Variants in MEGF11 observed in about 807,000 individuals in gnomAD.
MEGF11 encodes the protein multiple EGF like domains 11.
In MEGF11, 126 loss-of-function variants were observed where a neutral mutation model predicts 146.6. The ratio of observed to expected loss-of-function variants is 0.86; its 90% CI spans 0.74 to 1.00. MEGF11 has a LOEUF of 1.00. MEGF11 is among the 50% of genes least tolerant of loss of function. The pLI, the probability that MEGF11 is intolerant of heterozygous loss-of-function variation, is 0.00. For missense variants in MEGF11, 1,509 were observed against 1,521.2 expected, an observed-to-expected ratio of 0.99 and a Z score of 0.13; for synonymous variants, 532 against 583.4, an observed-to-expected ratio of 0.91 and a Z score of 1.27.
Position 66,038,695 on chromosome 15 carries a change from T to G in MEGF11, c.394+55707A>C, listed in dbSNP as rs556097187. 5.3e-5 allele frequency among the ~76,000 whole-genome samples: 8 copies of G among 152,232 alleles called. No individual in the cohort carries two copies. The South Asian group carries it at 8.3e-4, about 16-fold the overall frequency. ...ACTAGCAGCCCAAGGTCACACCTATTATGAAACAGATACCAGGCTGAACCC... is the reference window on the plus strand; with the variant it reads ...ACTAGCAGCCCAAGGTCACACCTATGATGAAACAGATACCAGGCTGAACCC... On this transcript the variant is annotated intron_variant, in intron 5 of 25. Transcript: ENST00000395614.
chr15:66,094,334 ACAC>A, intron 5 of MEGF11, 65 bp downstream of exon 5: 1 of 1,364,680 alleles, frequency 7.3e-7, no homozygotes, highest in Non-Finnish European at 1.0e-6. Flanking sequence ...TAGCATGCAC[ACAC>A]CACAACCCAC....
At position 65,990,614 on chromosome 15, in the gene MEGF11, AAAAAGAAAAGAAAAAAAG is replaced by A. The variant is rs1468837406; in HGVS notation, c.395-8144_395-8127del. On this transcript the variant is annotated intron_variant, in intron 5 of 25. Coordinates refer to ENST00000395614, the MANE Select transcript of MEGF11 (RefSeq NM_001385028.1). ...AAGAAAGAAAAGAAAAGAAAAGAAAAAAAAGAAAAGAAAAAAAGAGAAAGGAAAAGAAAAAAGAAGGAA... is the reference window on the plus strand; with the variant it reads ...AAGAAAGAAAAGAAAAGAAAAGAAAAAGAAAGGAAAAGAAAAAAGAAGGAA... 2.2e-5 allele frequency among the ~76,000 whole-genome samples: 3 copies of A among 137,230 alleles called. No individual in the cohort carries two copies. In the East Asian group the frequency reaches 8.7e-4, roughly 40 times the overall value. 90.0% of individuals were successfully genotyped at this position (137,230 alleles called of 152,430 possible).
chr15:65,969,399 A>G (rs2081226934), intron 8 of MEGF11, among the ~76,000 whole-genome samples: 1 of 152,166 alleles, frequency 6.6e-6, no homozygotes. Flanking sequence ...TCAATGTTTC[A>G]GCCCTCTCTC....
chr15:66,141,220 C>T (rs1186501114), intron 1 of MEGF11, among the ~76,000 whole-genome samples: 5 of 140,176 alleles, frequency 3.6e-5, no homozygotes, highest in African/African-American at 1.1e-4. Context: ...TGTCTCTGTC[C>T]TGCAGACTCA....
At chr15:65,944,092 C>T (rs369307341) in intron 10 of MEGF11, among the ~76,000 whole-genome samples, 1 of 152,150 alleles carries the variant, frequency 6.6e-6, no homozygotes, top group East Asian at 1.9e-4. Context: ...ATTTATTCAA[C>T]ACATATTTAC....
intron 1 of MEGF11, among the ~76,000 whole-genome samples, chr15:66,150,172 T>A (rs34841836): frequency 0.084 from 12,850 of 152,224 alleles, 622 homozygotes; most frequent in East Asian, 0.23. Context: ...CTGTGGTCCC[T>A]CCAGCCCCCG....
At position 66,094,506 on chromosome 15, in the gene MEGF11, TG is replaced by T; in HGVS notation, c.302-13del. The T allele has an allele frequency of 6.4e-7, 1 of 1,554,542 alleles. No homozygotes were observed. The highest frequency in any genetic ancestry group is 8.7e-7 in the Non-Finnish European group (1 of 1,147,870). ...CTCCGTACACAGGGCTGAGGGGACATGGGGAGAGGGAGGAAGAACCAGAACA... is the reference window on the plus strand; with the variant it reads ...CTCCGTACACAGGGCTGAGGGGACATGGGAGAGGGAGGAAGAACCAGAACA... On this transcript the variant is annotated splice_polypyrimidine_tract_variant and intron_variant, in intron 4 of 25. Transcript: ENST00000395614.
chr15:66,067,068 C>T (rs1162338448), intron 5 of MEGF11, among the ~76,000 whole-genome samples: 1 of 152,204 alleles, frequency 6.6e-6, no homozygotes, highest in East Asian at 1.9e-4. Context: ...ATCCCTAACT[C>T]ATAGGTTTGA....
chr15:66,083,517 A>G (rs145732505), intron 5 of MEGF11, among the ~76,000 whole-genome samples: 85 of 152,360 alleles, frequency 5.6e-4, no homozygotes, highest in African/African-American at 2.0e-3. Context: ...GCATACCTAT[A>G]AAACTCAGAA....
intron 1 of MEGF11, among the ~76,000 whole-genome samples, chr15:66,208,001 C>T (rs1042506095): frequency 6.6e-6 from 1 of 151,578 alleles, no homozygotes; most frequent in Non-Finnish European, 1.5e-5. Flanking sequence ...AGAAGAATTG[C>T]TTGAACCTGG....
chr15:66,213,325 C>T (rs1455023270), intron 1 of MEGF11, among the ~76,000 whole-genome samples: 3 of 152,052 alleles, frequency 2.0e-5, no homozygotes, highest in Admixed American at 1.3e-4. Context: ...AGTGTGTCCC[C>T]GTTCACACAG....
chr15:65,983,324 T>C (rs1054162907), intron 5 of MEGF11, among the ~76,000 whole-genome samples: 1 of 152,200 alleles, frequency 6.6e-6, no homozygotes, highest in Admixed American at 6.5e-5. Flanking sequence ...ATTCACACTC[T>C]ACGGCTATGG....
intron 5 of MEGF11, among the ~76,000 whole-genome samples, chr15:66,058,100 C>T (rs1420949374): frequency 1.3e-5 from 2 of 151,950 alleles, no homozygotes; most frequent in East Asian, 3.9e-4. Flanking sequence ...AATTAAAATG[C>T]ACAATTGTTC....
chr15:65,936,704 A>G (rs1247090372), intron 10 of MEGF11, among the ~76,000 whole-genome samples: 2 of 152,154 alleles, frequency 1.3e-5, no homozygotes, highest in Non-Finnish European at 2.9e-5. Context: ...CAGAGAGACT[A>G]GAAGCTTCAT....
chr15:65,956,147 C>T (rs2080627284), intron 10 of MEGF11, among the ~76,000 whole-genome samples: 1 of 152,106 alleles, frequency 6.6e-6, no homozygotes, highest in African/African-American at 2.4e-5. Context: ...GGAGTGGGGC[C>T]CAGGCATTGA....
chr15:66,003,959 C>T (rs1057012274), intron 5 of MEGF11, among the ~76,000 whole-genome samples: 1 of 152,196 alleles, frequency 6.6e-6, no homozygotes. Context: ...CCTTATTATT[C>T]AGTTATCTTG....
intron 4 of MEGF11, among the ~76,000 whole-genome samples, chr15:66,114,973 C>T (rs771256511): frequency 6.6e-5 from 10 of 152,188 alleles, no homozygotes; most frequent in Non-Finnish European, 1.0e-4. Context: ...AGGGATGGTC[C>T]GTCCTATGTC....
chr15:65,955,784 A>G (rs1429584027), intron 10 of MEGF11, among the ~76,000 whole-genome samples: 5 of 45,982 alleles, frequency 1.1e-4, no homozygotes, highest in Middle Eastern at 6.9e-3. Context: ...ATATATATAT[A>G]TATATATATA....
chr15:66,182,805 T>C (rs1394231063), intron 1 of MEGF11, among the ~76,000 whole-genome samples: 1 of 152,178 alleles, frequency 6.6e-6, no homozygotes, highest in Non-Finnish European at 1.5e-5. Flanking sequence ...GCAGGCAACA[T>C]GGGTCATTTA....
Sources: allele counts gnomAD v4.1 joint callset (sites outside exome capture counted in the v4.1 genomes callset), GRCh38; gene constraint gnomAD v4.1.1; transcripts MANE v1.5; gene names NCBI Gene and HGNC (gene_info 2026-07-23, HGNC 2026-07-21).